PHEX: variants seen among roughly 807,000 people sequenced by gnomAD.
PHEX encodes the protein phosphate regulating endopeptidase X-linked, also known as phosphate-regulating neutral endopeptidase PHEX.
Under a neutral mutation model 68.0 loss-of-function variants are expected in PHEX, and 16 were observed. That is an observed-to-expected ratio of 0.24 (90% confidence interval 0.16 to 0.36). The LOEUF is 0.36. PHEX is among the 10% of genes least tolerant of loss of function. The probability of loss-of-function intolerance (pLI) is 1.00; values close to 1 mark genes in which losing one functional copy is unlikely to be tolerated. For synonymous variants in PHEX, 208 were observed against 205.1 expected (o/e 1.01, Z -0.12); for missense variants, 480 against 575.5 (o/e 0.83, Z 1.70).
intron 13 of PHEX, chrX:22,171,330 T>TG (rs1933519489): frequency 9.0e-6 from 1 of 110,560 alleles, no homozygotes; most frequent in African/African-American, 3.3e-5. Context: ...AAGAACAGCA[T>TG]GGGGGAAACT....
At chrX:22,163,061 A>G (rs1348002587) in intron 12 of PHEX, 1 of 111,815 alleles carries the variant, frequency 8.9e-6, no homozygotes, top group Non-Finnish European at 1.9e-5. Flanking sequence ...TGCTCCTGGT[A>G]TCTAATTTGT....
At chrX:22,178,537 A>G (rs1212189065) in intron 14 of PHEX, among the ~76,000 whole-genome samples, 161 bp downstream of exon 14, 1 of 111,903 alleles carries the variant, frequency 8.9e-6, no homozygotes, top group East Asian at 2.8e-4. Context: ...CTTATTTTTT[A>G]TATTACGTGA....
intron 2 of PHEX, among the ~76,000 whole-genome samples, chrX:22,042,715 G>T (rs956225633): frequency 4.5e-5 from 5 of 111,852 alleles, no homozygotes; most frequent in Admixed American, 3.8e-4. Context: ...AACCTGGGAG[G>T]TGGAGGTTGC....
intron 5 of PHEX, among the ~76,000 whole-genome samples, chrX:22,082,054 T>G (rs188606010): frequency 1.8e-5 from 2 of 112,536 alleles, no homozygotes; most frequent in Admixed American, 9.4e-5. Context: ...CAAGAAAATT[T>G]GAAAAGTTTC....
In PHEX at chrX:22,233,517, C is replaced by T. The variant is rs749286251; in HGVS notation, c.2070+5906C>T. 1.2e-3 allele frequency among the ~76,000 whole-genome samples: 139 copies of T among 111,220 alleles called. 1 individual carries two copies. Among genetic ancestry groups the T allele is most frequent in the Non-Finnish European group, 3.0e-4 (16 of 53,159 alleles). ...GAGGCTTTGTTCATTTCATTTCACT[C>T]CTTCTTCTCTAATCTTGTCTTCTCG... On this transcript the variant is annotated intron_variant, in intron 20 of 21. Transcript: ENST00000379374.
chrX:22,051,151 T>G (rs59949485), intron 3 of PHEX, among the ~76,000 whole-genome samples: 24,108 of 111,354 alleles, frequency 0.22, 2,106 homozygotes, highest in Admixed American at 0.31. Context: ...CAAACTGACA[T>G]TAGGGTTCTT....
chrX:22,245,361 C>A lies in PHEX; in HGVS notation c.2099C>A (p.Ala700Asp). 1 of 1,209,269 alleles carries A rather than the reference C, an allele frequency of 8.3e-7. No individual in the cohort carries two copies. The highest frequency in any genetic ancestry group is 1.8e-5 in the South Asian group (1 of 56,942). ...AGGTGCAATTCCTACAGACCAGAAGCTGCCCGAGAACAAGTCCAAATTGGT... is the reference window on the plus strand; with the variant it reads ...AGGTGCAATTCCTACAGACCAGAAGATGCCCGAGAACAAGTCCAAATTGGT... ...HVRCNSYRPE[A>D]AREQVQIGAH... Residue 700 changes from alanine (A) to aspartate (D), a missense_variant, in exon 21 of 22, where the codon GCT becomes GAT. Transcript: ENST00000379374.
At chrX:22,208,353 T>C (rs1372045713) in intron 15 of PHEX, among the ~76,000 whole-genome samples, 1 of 112,383 alleles carries the variant, frequency 8.9e-6, no homozygotes, top group East Asian at 2.8e-4. Context: ...TCTATATCTG[T>C]ACCTTGCTTT....
chrX:22,136,127 C>G (rs547801501), intron 12 of PHEX, among the ~76,000 whole-genome samples: 17 of 107,871 alleles, frequency 1.6e-4, no homozygotes, highest in African/African-American at 5.8e-4. Flanking sequence ...ACAAAGAACA[C>G]TAGCGGCGTT....
intron 21 of PHEX, among the ~76,000 whole-genome samples, chrX:22,247,431 C>T (rs1201712536): frequency 1.8e-5 from 2 of 111,902 alleles, no homozygotes; most frequent in African/African-American, 6.5e-5. Context: ...TGGTATGGAA[C>T]AGGCAGGAGC....
intron 12 of PHEX, among the ~76,000 whole-genome samples, chrX:22,143,236 T>A (rs977179295): frequency 2.7e-5 from 3 of 112,243 alleles, no homozygotes; most frequent in African/African-American, 9.7e-5. Flanking sequence ...TTATAGTGAC[T>A]ACAGTTAGCA....
intron 18 of PHEX, among the ~76,000 whole-genome samples, chrX:22,222,956 T>TTTAAG (rs1441444278): frequency 8.9e-6 from 1 of 111,901 alleles, no homozygotes; most frequent in African/African-American, 3.3e-5. Flanking sequence ...AGGTTCTTAT[T>TTTAAG]TTAAGTTCAT....
chrX:22,172,168 C>G lies in PHEX; in HGVS notation c.1482+3779C>G, dbSNP rs1280442081. 1.1e-4 allele frequency: 12 copies of G among 111,717 alleles called. No individual in the cohort carries two copies. In the East Asian group the frequency reaches 3.1e-3, roughly 29 times the overall value. The allele number at this position is 111,717 out of a possible 1,213,427, so 9.2% of individuals were successfully genotyped here. ...GAAATAAAATGCCCTTTATTTGAAC[C>G]CCCATCAACATGCAGGAAAGCCTGT... On this transcript the variant is annotated intron_variant, in intron 13 of 21. Coordinates refer to ENST00000379374, the MANE Select transcript of PHEX (RefSeq NM_000444.6).
intron 3 of PHEX, among the ~76,000 whole-genome samples, chrX:22,062,157 C>T (rs1450377026): frequency 9.0e-6 from 1 of 111,569 alleles, no homozygotes; most frequent in Non-Finnish European, 1.9e-5. Flanking sequence ...ATGGGGATTA[C>T]AATTTGAGAA....
At position 22,147,309 on chromosome X, in the gene PHEX, A is replaced by G. The variant is rs569992379; in HGVS notation, c.1404+13685A>G. On this transcript the variant is annotated intron_variant, in intron 12 of 21. Coordinates refer to ENST00000379374, the MANE Select transcript of PHEX (RefSeq NM_000444.6). The stretch of plus-strand genomic sequence containing the variant: ...TTAGGAATGTTCAGGCTTTCTGTGT[A>G]TATTTTGTGTTGCTCATTCTCTTTG... 1.4e-4 allele frequency among the ~76,000 whole-genome samples: 16 copies of G among 110,986 alleles called. No individual in the cohort carries two copies. In the South Asian group the frequency reaches 5.4e-3, roughly 37 times the overall value.
At chrX:22,220,304 C>G (rs955278113) in intron 17 of PHEX, among the ~76,000 whole-genome samples, 1 of 111,504 alleles carries the variant, frequency 9.0e-6, no homozygotes, top group Non-Finnish European at 1.9e-5. Context: ...GACACTTAGG[C>G]TCTTCTAGAA....
chrX:22,043,644 A>AT (rs1291438812), intron 2 of PHEX, among the ~76,000 whole-genome samples: 2 of 111,418 alleles, frequency 1.8e-5, no homozygotes, highest in Non-Finnish European at 3.8e-5. Flanking sequence ...AATATTGGTG[A>AT]TTTTATTATT....
chrX:22,157,258 G>C (rs1932977764), intron 12 of PHEX, among the ~76,000 whole-genome samples: 1 of 112,322 alleles, frequency 8.9e-6, no homozygotes, highest in African/African-American at 3.2e-5. Flanking sequence ...TTGAGAGGCA[G>C]AGGTGAGCGG....
intron 20 of PHEX, among the ~76,000 whole-genome samples, chrX:22,234,838 CA>C (rs1935912127): frequency 1.9e-5 from 2 of 106,818 alleles, no homozygotes; most frequent in African/African-American, 3.5e-5. Flanking sequence ...AAAAACCACA[CA>C]CACACACACA....
Sources: allele counts gnomAD v4.1 joint callset (sites outside exome capture counted in the v4.1 genomes callset), GRCh38; gene constraint gnomAD v4.1.1; transcripts MANE v1.5; gene names NCBI Gene and HGNC (gene_info 2026-07-23, HGNC 2026-07-21).